CNTNAP2: variants seen among roughly 807,000 people sequenced by gnomAD.
CNTNAP2 encodes the protein contactin associated protein 2.
A neutral mutation model predicts 155.2 loss-of-function variants in CNTNAP2; 98 were observed. The observed-to-expected ratio is 0.63, with a 90% CI of 0.54 to 0.75. CNTNAP2 has a LOEUF of 0.75. CNTNAP2 is among the 30% of genes least tolerant of loss of function. The pLI, the probability that CNTNAP2 is intolerant of heterozygous loss-of-function variation, is 0.00. For missense variants in CNTNAP2, 1,727 were observed against 1,688.1 expected (o/e 1.02, Z -0.40); for synonymous variants, 651 against 631.2 (o/e 1.03, Z -0.47).
chr7:146,548,100 A>T lies in CNTNAP2; in HGVS notation c.98-226171A>T, dbSNP rs554027263. 7.4e-5 allele frequency among the ~76,000 whole-genome samples: 11 copies of T among 148,708 alleles called. No individual in the cohort carries two copies. The East Asian group carries it at 2.2e-3, about 30-fold the overall frequency. On this transcript the variant is annotated intron_variant, in intron 1 of 23. Transcript: ENST00000361727. ...TGGTACTCATTAGTTATTTTCCCTG[A>T]CTCTCCCTCCTCCCACCCTCCACTC...
At chr7:147,638,855 CT>C in intron 12 of CNTNAP2, 4 of 439,236 alleles carry the variant, frequency 9.1e-6, no homozygotes, top group South Asian at 2.1e-5. Context: ...TTTTTTTTTT[CT>C]TTTTTTGCCT....
intron 17 of CNTNAP2, among the ~76,000 whole-genome samples, chr7:148,152,340 G>A (rs535712183): frequency 6.6e-6 from 1 of 152,064 alleles, no homozygotes. Flanking sequence ...GAATCATAGG[G>A]GTGTGGAAAA....
intron 1 of CNTNAP2, among the ~76,000 whole-genome samples, chr7:146,169,224 A>AT (rs1316076840): frequency 1.3e-5 from 2 of 152,044 alleles, no homozygotes; most frequent in Non-Finnish European, 2.9e-5. Flanking sequence ...TTATTTGTAC[A>AT]TTTTTCCTAC....
chr7:146,338,451 T>C (rs1297289322), intron 1 of CNTNAP2, among the ~76,000 whole-genome samples: 3 of 152,154 alleles, frequency 2.0e-5, no homozygotes, highest in Admixed American at 2.0e-4. Flanking sequence ...TAAAGTTATA[T>C]GGAGTCCAAA....
At chr7:146,195,677 G>A (rs1408721223) in intron 1 of CNTNAP2, among the ~76,000 whole-genome samples, 1 of 152,146 alleles carries the variant, frequency 6.6e-6, no homozygotes, top group Non-Finnish European at 1.5e-5. Context: ...GATTCTTGGA[G>A]ACCAGAACAG....
intron 13 of CNTNAP2, among the ~76,000 whole-genome samples, chr7:147,656,218 A>G (rs74379305): frequency 0.016 from 2,491 of 152,330 alleles, 57 homozygotes; most frequent in Non-Finnish European, 0.02. Context: ...CTTTCTCCAT[A>G]TCAGCAATAA....
At chr7:148,073,262 G>A (rs563953180) in intron 15 of CNTNAP2, among the ~76,000 whole-genome samples, 18 of 152,252 alleles carry the variant, frequency 1.2e-4, no homozygotes, top group African/African-American at 3.9e-4. Flanking sequence ...GATAGCCATT[G>A]GATTCTCATG....
At chr7:147,316,329 T>G (rs921129791) in intron 9 of CNTNAP2, among the ~76,000 whole-genome samples, 17 of 151,948 alleles carry the variant, frequency 1.1e-4, no homozygotes, top group Non-Finnish European at 7.4e-5. Context: ...AATAAAAACC[T>G]TAGATTTCAT....
At chr7:146,154,880 A>G (rs996230911) in intron 1 of CNTNAP2, among the ~76,000 whole-genome samples, 8 of 152,204 alleles carry the variant, frequency 5.3e-5, no homozygotes, top group African/African-American at 1.7e-4. Flanking sequence ...AGAGAGTTTT[A>G]TACTCTTCAG....
chr7:146,120,801 A>G (rs1038897022), intron 1 of CNTNAP2, among the ~76,000 whole-genome samples: 1 of 152,202 alleles, frequency 6.6e-6, no homozygotes, highest in Non-Finnish European at 1.5e-5. Context: ...GTGTAATAAC[A>G]TGCAGTACAG....
At chr7:146,305,276 A>G (rs367919900) in intron 1 of CNTNAP2, among the ~76,000 whole-genome samples, 1 of 152,028 alleles carries the variant, frequency 6.6e-6, no homozygotes. Flanking sequence ...TCTTCTCTCA[A>G]CTCGTCAAAG....
chr7:147,019,579 A>G (rs565100813), intron 3 of CNTNAP2, among the ~76,000 whole-genome samples: 1 of 152,204 alleles, frequency 6.6e-6, no homozygotes, highest in African/African-American at 2.4e-5. Context: ...ATTCATCAGG[A>G]TCTTGATATT....
rs144014575 is a variant in CNTNAP2 at position 147,978,106 on chromosome 7, T to C, written c.2383+117T>C. The C allele has an allele frequency of 2.1e-4, 279 of 1,359,114 alleles. No individual in the cohort carries two copies. The African/African-American group carries it at 2.7e-3, about 13-fold the overall frequency. The allele number at this position is 1,359,114 out of a possible 1,614,324, so 84.2% of individuals were successfully genotyped here. On this transcript the variant is annotated intron_variant, in intron 15 of 23. Coordinates refer to ENST00000361727, the MANE Select transcript of CNTNAP2 (RefSeq NM_014141.6). ...CTCTCCTGTAGCTCCTACAGAAACA[T>C]CACACAACCCAAGCAGAGATAACTT...
At chr7:147,857,631 G>C (rs187791909) in intron 13 of CNTNAP2, among the ~76,000 whole-genome samples, 144 of 152,250 alleles carry the variant, frequency 9.5e-4, no homozygotes, top group Non-Finnish European at 1.8e-3. Flanking sequence ...TCCTGCTTTC[G>C]GTTGATTCTT....
chr7:146,226,120 C>T (rs561208892), intron 1 of CNTNAP2, among the ~76,000 whole-genome samples: 85 of 152,258 alleles, frequency 5.6e-4, no homozygotes, highest in African/African-American at 1.6e-3. Context: ...TTTCACTGTC[C>T]GATTCTGTGG....
chr7:146,122,324 T>C (rs1797575120), intron 1 of CNTNAP2, among the ~76,000 whole-genome samples: 1 of 152,226 alleles, frequency 6.6e-6, no homozygotes, highest in Non-Finnish European at 1.5e-5. Flanking sequence ...CTTGAGACTC[T>C]GTTTAATTTT....
intron 22 of CNTNAP2, 22 bp from the exon 23 acceptor site, chr7:148,409,369 T>TTGAC: frequency 8.0e-7 from 1 of 1,242,882 alleles, no homozygotes; most frequent in Non-Finnish European, 1.1e-6. Flanking sequence ...ACTCTGACAC[T>TTGAC]TGACTCTTTC....
At chr7:148,400,769 C>G (rs1010650900) in intron 22 of CNTNAP2, among the ~76,000 whole-genome samples, 3 of 152,142 alleles carry the variant, frequency 2.0e-5, no homozygotes, top group Non-Finnish European at 2.9e-5. Context: ...ATCACGAGGT[C>G]AGGAGTTCGA....
At chr7:148,043,216 A>G (rs1226631651) in intron 15 of CNTNAP2, among the ~76,000 whole-genome samples, 3 of 152,252 alleles carry the variant, frequency 2.0e-5, no homozygotes, top group Admixed American at 1.3e-4. Flanking sequence ...TGCAAAGCAC[A>G]TAAAGGCTGT....
Sources: gnomAD v4.1 joint callset for allele counts (sites outside exome capture counted in the v4.1 genomes callset) on GRCh38, gnomAD v4.1.1 for gene constraint, MANE v1.5 for transcripts, NCBI Gene and HGNC (gene_info 2026-07-23, HGNC 2026-07-21) for gene names.